The following SLC9A9 variants were observed in gnomAD, a reference collection of about 807,000 sequenced individuals.
SLC9A9 encodes solute carrier family 9 member A9, also known as sodium/hydrogen exchanger 9.
Under a neutral mutation model 77.8 loss-of-function variants are expected in SLC9A9, and 62 were observed. That is an observed-to-expected ratio of 0.80 (90% CI 0.65 to 0.98). The LOEUF (loss-of-function observed/expected upper bound fraction) is 0.98. Among genes scored for constraint, SLC9A9 ranks in the 50% least tolerant of loss-of-function variants. The pLI, the probability that SLC9A9 is intolerant of heterozygous loss-of-function variation, is 0.00. For synonymous variants in SLC9A9, 320 were observed against 283.5 expected, an observed-to-expected ratio of 1.13 and a Z score of -1.29; for missense variants, 775 against 774.9, an observed-to-expected ratio of 1.00 and a Z score of 0.00.
At chr3:143,704,995 A>ATTATCTATCTATCTATC (rs1553782450) in intron 4 of SLC9A9, among the ~76,000 whole-genome samples, 1 of 116,010 alleles carries the variant, frequency 8.6e-6, no homozygotes, top group Non-Finnish European at 1.9e-5. Context: ...TCCATCTCAA[A>ATTATCTATCTATCTATC]TATCTATCTA....
chr3:143,645,361 T>G (rs971702009), intron 6 of SLC9A9, among the ~76,000 whole-genome samples: 1 of 152,218 alleles, frequency 6.6e-6, no homozygotes, highest in African/African-American at 2.4e-5. Flanking sequence ...CTGAAATGGT[T>G]TCTAGGGTGA....
chr3:143,464,103 A>G (rs1359679867), intron 12 of SLC9A9, among the ~76,000 whole-genome samples: 3 of 152,222 alleles, frequency 2.0e-5, no homozygotes, highest in African/African-American at 7.2e-5. Flanking sequence ...AACAAATCAC[A>G]TTCCAATTGA....
chr3:143,719,885 G>T (rs751041169), intron 4 of SLC9A9, among the ~76,000 whole-genome samples: 1 of 152,030 alleles, frequency 6.6e-6, no homozygotes, highest in Non-Finnish European at 1.5e-5. Context: ...CGGAGTCAGA[G>T]GCCTTCATAC....
At chr3:143,459,116 AG>A (rs2108562731) in intron 12 of SLC9A9, among the ~76,000 whole-genome samples, 1 of 104,340 alleles carries the variant, frequency 9.6e-6, no homozygotes, top group African/African-American at 3.0e-5. Context: ...ATTTCTCTAC[AG>A]TTTTTTTTTC....
At chr3:143,275,394 T>C (rs988206050) in intron 14 of SLC9A9, among the ~76,000 whole-genome samples, 2 of 152,210 alleles carry the variant, frequency 1.3e-5, no homozygotes, top group Non-Finnish European at 2.9e-5. Context: ...GTGTGCTCTT[T>C]CAATGTATAG....
At chr3:143,687,172 A>C (rs1173475676) in intron 5 of SLC9A9, among the ~76,000 whole-genome samples, 2 of 152,212 alleles carry the variant, frequency 1.3e-5, no homozygotes, top group African/African-American at 2.4e-5. Flanking sequence ...TGAAATGTGC[A>C]GAAGAATTAG....
At chr3:143,500,212 TTA>T (rs1351603318) in intron 9 of SLC9A9, among the ~76,000 whole-genome samples, 1 of 152,184 alleles carries the variant, frequency 6.6e-6, no homozygotes, top group Admixed American at 6.5e-5. Flanking sequence ...TTTTAGAAAG[TTA>T]TGTTTTTCAA....
At chr3:143,722,650 CT>C (rs1934535248) in intron 4 of SLC9A9, among the ~76,000 whole-genome samples, 1 of 151,874 alleles carries the variant, frequency 6.6e-6, no homozygotes, top group African/African-American at 2.4e-5. Flanking sequence ...TTTTCTTTTC[CT>C]GTTGTTTTCC....
chr3:143,522,007 CTG>C (rs2036308536), intron 9 of SLC9A9, among the ~76,000 whole-genome samples: 1 of 152,110 alleles, frequency 6.6e-6, no homozygotes, highest in Admixed American at 6.6e-5. Context: ...TTGGCTGAGA[CTG>C]TGGTCTTCCA....
chr3:143,630,070 A>C (rs2038395437), intron 6 of SLC9A9, among the ~76,000 whole-genome samples: 1 of 152,178 alleles, frequency 6.6e-6, no homozygotes, highest in African/African-American at 2.4e-5. Flanking sequence ...TTGTTAATTC[A>C]ACAACCATTT....
At chr3:143,365,617 C>T (rs1435317882) in intron 13 of SLC9A9, among the ~76,000 whole-genome samples, 1 of 152,158 alleles carries the variant, frequency 6.6e-6, no homozygotes, top group Non-Finnish European at 1.5e-5. Context: ...TCTGATAGGG[C>T]CGGAGTGCCA....
At chr3:143,752,875 G>A (rs893978760) in intron 4 of SLC9A9, among the ~76,000 whole-genome samples, 2 of 152,044 alleles carry the variant, frequency 1.3e-5, no homozygotes, top group African/African-American at 4.8e-5. Flanking sequence ...TATTGTTGTT[G>A]CACTTATTGG....
chr3:143,357,036 G>T (rs563935818), intron 14 of SLC9A9, among the ~76,000 whole-genome samples: 1 of 152,222 alleles, frequency 6.6e-6, no homozygotes, highest in East Asian at 1.9e-4. Context: ...AGCTTCCCAG[G>T]AGAAGCAGTT....
chr3:143,322,915 C>CA (rs1021088248), intron 14 of SLC9A9, among the ~76,000 whole-genome samples: 5 of 151,484 alleles, frequency 3.3e-5, no homozygotes, highest in Admixed American at 1.3e-4. Flanking sequence ...GACATTTCTC[C>CA]AAAAAAACAA....
At chr3:143,479,138 CAATA>C (rs1422004729) in intron 11 of SLC9A9, among the ~76,000 whole-genome samples, 2 of 152,202 alleles carry the variant, frequency 1.3e-5, no homozygotes, top group East Asian at 3.8e-4. Flanking sequence ...GTTTCACACT[CAATA>C]AATGTCTAAG....
At chr3:143,801,721 T>C (rs2008565364) in intron 2 of SLC9A9, among the ~76,000 whole-genome samples, 1 of 152,136 alleles carries the variant, frequency 6.6e-6, no homozygotes, top group Non-Finnish European at 1.5e-5. Context: ...TCCACATCTA[T>C]CATTGAGGCT....
rs185008211 is a variant in SLC9A9, at chr3:143,422,926, C to T, written c.1470-40812G>A. Among the ~76,000 whole-genome samples the T allele has an allele frequency of 1.6e-4, 25 of 152,204 alleles. 1 individual carries two copies. In the East Asian group the frequency reaches 4.4e-3, roughly 27 times the overall value. Reference sequence around the variant, plus strand: ...GAAAAATGGCAAATCCAGAGTAGTTCAAGACTTGTTTAAGGTCATAGACAT... The same window carrying T: ...GAAAAATGGCAAATCCAGAGTAGTTTAAGACTTGTTTAAGGTCATAGACAT... On this transcript the variant is annotated intron_variant, in intron 12 of 15. Coordinates refer to ENST00000316549, the MANE Select transcript of SLC9A9 (RefSeq NM_173653.4).
chr3:143,572,144 G>C (rs2037271421), intron 8 of SLC9A9, among the ~76,000 whole-genome samples: 2 of 152,176 alleles, frequency 1.3e-5, no homozygotes, highest in African/African-American at 2.4e-5. Context: ...ATATCAGGTT[G>C]AAAGGGTGTG....
chr3:143,331,438 T>C (rs1418501473), intron 14 of SLC9A9, among the ~76,000 whole-genome samples: 1 of 152,234 alleles, frequency 6.6e-6, no homozygotes, highest in Non-Finnish European at 1.5e-5. Flanking sequence ...AGTGCTAGCA[T>C]TCAATTATTT....
Sources: allele counts gnomAD v4.1 joint callset (sites outside exome capture counted in the v4.1 genomes callset), GRCh38; gene constraint gnomAD v4.1.1; transcripts MANE v1.5; gene names NCBI Gene and HGNC (gene_info 2026-07-23, HGNC 2026-07-21).